Variants in DENND1A observed in about 807,000 individuals in gnomAD.
DENND1A encodes the protein DENN domain-containing protein 1A.
Under a neutral mutation model 113.7 loss-of-function variants are expected in DENND1A, and 51 were observed. The ratio of observed to expected loss-of-function variants is 0.45; its 90% CI spans 0.36 to 0.57. The LOEUF (loss-of-function observed/expected upper bound fraction) is 0.57, where lower values mean the gene tolerates loss of function less well. Among genes scored for constraint, DENND1A ranks in the 20% least tolerant of loss-of-function variants. The pLI is 0.00. For synonymous variants in DENND1A, 565 were observed against 570.8 expected (o/e 0.99, Z 0.14); for missense variants, 1,258 against 1,395.9 (o/e 0.90, Z 1.57).
At position 123,574,173 on chromosome 9, in the gene DENND1A, C is replaced by CTT. The variant is rs542615815; in HGVS notation, c.867+8994_867+8995dup. ...TGCATCTATATTGGTCTGTAGTTGC[C>CTT]TTTTTTTTTTTTTTTTTTGTTTGTA... On this transcript the variant is annotated intron_variant, in intron 12 of 23. Transcript: ENST00000394215. Among the ~76,000 whole-genome samples, 346 of 110,040 alleles carry CTT rather than the reference C, an allele frequency of 3.1e-3. No homozygotes were observed. The East Asian group carries it at 0.04, about 13-fold the overall frequency. The allele number at this position is 110,040 out of a possible 152,430, so 72.2% of individuals were successfully genotyped here.
intron 19 of DENND1A, among the ~76,000 whole-genome samples, chr9:123,429,673 C>T (rs1234915817): frequency 1.3e-5 from 2 of 152,144 alleles, no homozygotes; most frequent in Non-Finnish European, 2.9e-5. Context: ...CCCTTCCTTA[C>T]ACTACATATA....
chr9:123,783,838 CATTGGCCAT>C (rs1441260879), intron 3 of DENND1A, among the ~76,000 whole-genome samples: 2 of 152,322 alleles, frequency 1.3e-5, no homozygotes, highest in East Asian at 3.9e-4. Context: ...GGGTCTGTAA[CATTGGCCAT>C]AGCCATTTCT....
intron 12 of DENND1A, among the ~76,000 whole-genome samples, chr9:123,582,247 C>T (rs1320160228): frequency 1.3e-5 from 2 of 152,164 alleles, no homozygotes; most frequent in Non-Finnish European, 1.5e-5. Flanking sequence ...GGGAGCTGCC[C>T]TGATCTCTAG....
chr9:123,837,841 CA>C (rs1243632672), intron 2 of DENND1A, among the ~76,000 whole-genome samples: 10 of 152,216 alleles, frequency 6.6e-5, no homozygotes, highest in African/African-American at 2.4e-4. Context: ...TAAACCAATG[CA>C]ATTTCTACAC....
chr9:123,572,638 T>C (rs900259841), intron 12 of DENND1A, among the ~76,000 whole-genome samples: 27 of 152,312 alleles, frequency 1.8e-4, no homozygotes, highest in Admixed American at 4.6e-4. Context: ...CCATTTTAAT[T>C]GAGCTATCTT....
chr9:123,449,744 T>C (rs2047569316), intron 18 of DENND1A, among the ~76,000 whole-genome samples: 1 of 152,170 alleles, frequency 6.6e-6, no homozygotes, highest in East Asian at 1.9e-4. Flanking sequence ...AACTCAGGAA[T>C]GGAAAACCAA....
intron 1 of DENND1A, among the ~76,000 whole-genome samples, chr9:123,908,825 C>T (rs1178822690): frequency 9.2e-5 from 14 of 152,098 alleles, no homozygotes; most frequent in African/African-American, 1.7e-4. Flanking sequence ...AAACACCATT[C>T]GACCCAGCCA....
intron 2 of DENND1A, among the ~76,000 whole-genome samples, chr9:123,812,148 G>A (rs764020776): frequency 4.6e-5 from 7 of 151,992 alleles, no homozygotes; most frequent in Non-Finnish European, 8.8e-5. Flanking sequence ...ACTGTTGTAC[G>A]TTTAATATAT....
In DENND1A at chr9:123,382,000, C is replaced by T. The variant is rs2042297532; in HGVS notation, c.2645G>A (p.Gly882Glu). 1.4e-6 allele frequency: 2 copies of T among 1,469,540 alleles called. No individual in the cohort carries two copies. Among genetic ancestry groups the T allele is most frequent in the African/African-American group, 2.9e-5 (2 of 69,140 alleles). 91.0% of individuals were successfully genotyped at this position (1,469,540 alleles called of 1,614,324 possible). A position where few individuals can be genotyped will look rare whatever the true frequency, so the allele number is the denominator to read the frequency against. ...TGGCTGTGGGAATGGGGTGGGTGTC[C>T]CTGCAGGGGGGAAGCTGAATTGGGG... ...FTPQFSFPPA[G>E]TPTPFPQPPL... Residue 882 changes from glycine to glutamate, a missense_variant, in exon 24 of 24, where the codon GGG (glycine) becomes GAG (glutamate). Physicochemically the swap from Gly to Glu is moderately conservative, Grantham distance 98. Around this residue, in one of 2 missense-constraint regions of DENND1A, gnomAD observed 1,159 missense variants for 1,231.7 expected, o/e 0.94. Coordinates refer to ENST00000394215, the MANE Select transcript of DENND1A (RefSeq NM_001352964.2). The surrounding 1 kb of genome is among the most constrained non-coding windows in gnomAD (Gnocchi z 4.7).
At chr9:123,709,330 G>C (rs2066433359) in intron 5 of DENND1A, among the ~76,000 whole-genome samples, 1 of 152,102 alleles carries the variant, frequency 6.6e-6, no homozygotes, top group African/African-American at 2.4e-5. Flanking sequence ...CTTTGTTCTT[G>C]TGCCTTTTGG....
chr9:123,539,857 T>A (rs576611477), intron 13 of DENND1A, among the ~76,000 whole-genome samples: 1 of 140,096 alleles, frequency 7.1e-6, no homozygotes, highest in East Asian at 2.0e-4. Flanking sequence ...CACTCCAGCC[T>A]GGGTGAAAAA....
intron 2 of DENND1A, among the ~76,000 whole-genome samples, chr9:123,851,395 G>A (rs968865790): frequency 6.6e-6 from 1 of 152,108 alleles, no homozygotes; most frequent in Non-Finnish European, 1.5e-5. Flanking sequence ...TCTATGTATA[G>A]AACTCAATTT....
intron 13 of DENND1A, 51 bp from the exon 14 acceptor site, chr9:123,457,948 T>C: frequency 1.4e-6 from 2 of 1,416,250 alleles, no homozygotes; most frequent in Non-Finnish European, 1.9e-6. Flanking sequence ...GCAAGAGCCA[T>C]CAGTTTTGAA....
At chr9:123,609,916 A>C (rs1037009364) in intron 10 of DENND1A, among the ~76,000 whole-genome samples, 3 of 152,240 alleles carry the variant, frequency 2.0e-5, no homozygotes, top group African/African-American at 7.2e-5. Context: ...GGTTGGATGA[A>C]GGGCATAATG....
intron 5 of DENND1A, among the ~76,000 whole-genome samples, chr9:123,745,004 G>A (rs758287970): frequency 3.3e-5 from 5 of 152,028 alleles, no homozygotes; most frequent in South Asian, 2.1e-4. Context: ...TCGAATTCCC[G>A]ACCTCAGGTG....
intron 3 of DENND1A, among the ~76,000 whole-genome samples, chr9:123,773,866 G>A (rs923988189): frequency 2.0e-5 from 3 of 152,036 alleles, no homozygotes; most frequent in Admixed American, 1.3e-4. Flanking sequence ...GGAAAAACAT[G>A]GTGCAGGAAA....
rs117900343 is a variant in DENND1A at position 123,836,035 on chromosome 9, G to A, written c.88+42916C>T. On this transcript the variant is annotated intron_variant, in intron 2 of 23. Transcript: ENST00000394215. ...CAGCAGGGTGTCTGACACACAGTAGGTGTTTGGCAGTTACTATTATTATTT... is the reference window on the plus strand; with the variant it reads ...CAGCAGGGTGTCTGACACACAGTAGATGTTTGGCAGTTACTATTATTATTT... Among the ~76,000 whole-genome samples, 181 of 152,256 alleles carry A rather than the reference G, an allele frequency of 1.2e-3. 2 individuals are homozygous for A. In the East Asian group the frequency reaches 0.032, roughly 27 times the overall value.
At chr9:123,650,906 C>CAA (rs76905879) in intron 9 of DENND1A, among the ~76,000 whole-genome samples, 472 of 34,780 alleles carry the variant, frequency 0.014, 4 homozygotes, top group East Asian at 0.024. Flanking sequence ...GACTCTGTCT[C>CAA]AAAAAAAAAA....
intron 13 of DENND1A, among the ~76,000 whole-genome samples, chr9:123,516,808 C>T (rs7849651): frequency 0.069 from 9,801 of 141,130 alleles, 385 homozygotes; most frequent in Admixed American, 0.093. Flanking sequence ...CACTTGAACC[C>T]GGGAGGCAGA....
Sources: allele counts gnomAD v4.1 joint callset (sites outside exome capture counted in the v4.1 genomes callset), GRCh38; gene constraint gnomAD v4.1.1; regional missense constraint gnomAD v4.1.1; non-coding constraint Gnocchi (gnomAD v3.1); transcripts MANE v1.5; gene names NCBI Gene and HGNC (gene_info 2026-07-23, HGNC 2026-07-21).